Variants in POTEF observed in about 807,000 individuals in gnomAD.
POTEF encodes the protein ANKRD26-like family C member 1B.
POTEF carries 20 observed loss-of-function variants against 83.2 expected under a neutral mutation model. The observed-to-expected ratio is 0.24, with a 90% CI of 0.17 to 0.35. The LOEUF (loss-of-function observed/expected upper bound fraction) is 0.35, where lower values mean the gene tolerates loss of function less well. Ranked by LOEUF, POTEF falls within the 10% of genes least tolerant of loss-of-function variation. The probability of loss-of-function intolerance (pLI) is 1.00; values close to 1 mark genes in which losing one functional copy is unlikely to be tolerated. For synonymous variants in POTEF, 196 were observed against 446.4 expected, an observed-to-expected ratio of 0.44 and a Z score of 7.07; for missense variants, 550 against 1,203.2, an observed-to-expected ratio of 0.46 and a Z score of 8.03.
chr2:130,127,259 A>G (rs1257431513), intron 2 of POTEF, among the ~76,000 whole-genome samples: 2 of 132,024 alleles, frequency 1.5e-5, no homozygotes, highest in African/African-American at 5.8e-5. Context: ...CAGGAAGCAG[A>G]GCTTGCAGTG....
At position 130,075,271 on chromosome 2, in the gene POTEF, A is replaced by G. The variant is rs762713018; in HGVS notation, c.2201T>C (p.Ile734Thr). 1 of 1,612,286 alleles carries G rather than the reference A, an allele frequency of 6.2e-7. No homozygotes were observed. The highest frequency in any genetic ancestry group is 1.3e-5 in the African/African-American group (1 of 74,614). The change falls in exon 17 of 17, where the codon ATC becomes ACC. Residue 734 changes from isoleucine (I) to threonine (T), a missense_variant. Coordinates refer to ENST00000409914, the MANE Select transcript of POTEF (RefSeq NM_001099771.2). ...GCCCTGCTGCCTGGGGCGCCCCACG[A>G]TGGAAGGGAAGACAGCCCGGGGGGC... ...DDAPRAVFPS[I>T]VGRPRQQGMM... is the part of the protein sequence containing the mutation.
intron 15 of POTEF, among the ~76,000 whole-genome samples, chr2:130,078,094 C>A (rs1683866109): frequency 1.0e-5 from 1 of 96,012 alleles, no homozygotes; most frequent in Non-Finnish European, 2.2e-5. Context: ...ACTGGGAAGT[C>A]CTAGGCAGAG....
At chr2:130,119,134 G>T (rs1249348051) in intron 3 of POTEF, among the ~76,000 whole-genome samples, 2 of 150,506 alleles carry the variant, frequency 1.3e-5, no homozygotes, top group East Asian at 3.9e-4. Flanking sequence ...ATTTGGCTTA[G>T]GTAAAAGTGA....
chr2:130,118,980 G>C (rs1343625259), intron 3 of POTEF, among the ~76,000 whole-genome samples: 1 of 151,304 alleles, frequency 6.6e-6, no homozygotes, highest in Non-Finnish European at 1.5e-5. Context: ...TCAGCTGTTA[G>C]TAAACAATTT....
intron 5 of POTEF, 71 bp from the exon 6 acceptor site, chr2:130,112,172 T>A: frequency 1.6e-6 from 2 of 1,264,562 alleles, no homozygotes; most frequent in South Asian, 2.7e-5. Context: ...AAGTGGAAAC[T>A]TTATATAAGA....
intron 8 of POTEF, among the ~76,000 whole-genome samples, chr2:130,104,377 T>G (rs1451711453): frequency 6.8e-6 from 1 of 146,056 alleles, no homozygotes; most frequent in Non-Finnish European, 1.5e-5. Flanking sequence ...CCGTAAATTC[T>G]AACTATAATC....
intron 8 of POTEF, chr2:130,107,764 T>G (rs924281369): frequency 3.3e-5 from 15 of 453,072 alleles, no homozygotes; most frequent in Non-Finnish European, 5.5e-5. Context: ...ACCATCCAGT[T>G]GCAGAAAAAT....
At chr2:130,103,311 T>A (rs1684424766) in intron 8 of POTEF, among the ~76,000 whole-genome samples, 1 of 150,394 alleles carries the variant, frequency 6.6e-6, no homozygotes, top group African/African-American at 2.5e-5. Context: ...CCATTGGCCA[T>A]GATGGTCCTG....
rs558658997 is a variant in POTEF, at chr2:130,113,526, C to T, written c.810+1355G>A. ...ATTTTGAGAAAATTGTTGTTGTTGT[C>T]GTTGTTGTTGTTGTTGTTGTTAGAG... On this transcript the variant is annotated intron_variant, in intron 5 of 16. Transcript: ENST00000409914. Among the ~76,000 whole-genome samples, 16 of 96,852 alleles carry T rather than the reference C, an allele frequency of 1.7e-4. 1 individual carries two copies. In the South Asian group the frequency reaches 5.3e-3, roughly 32 times the overall value. The allele number at this position is 96,852 out of a possible 152,430, so 63.5% of individuals were successfully genotyped here. A position where few individuals can be genotyped will look rare whatever the true frequency, so the allele number is the denominator to read the frequency against.
chr2:130,122,112 T>C (rs1685014437), intron 2 of POTEF, among the ~76,000 whole-genome samples: 1 of 147,538 alleles, frequency 6.8e-6, no homozygotes, highest in Non-Finnish European at 1.5e-5. Context: ...TCATTTATCA[T>C]GTTTTCAATG....
intron 3 of POTEF, among the ~76,000 whole-genome samples, chr2:130,118,048 C>T (rs899638646): frequency 6.6e-6 from 1 of 151,274 alleles, no homozygotes; most frequent in Non-Finnish European, 1.5e-5. Context: ...TCAAGCAATT[C>T]TCTTGCTTCA....
intron 3 of POTEF, among the ~76,000 whole-genome samples, chr2:130,118,854 T>C (rs1479908116): frequency 1.3e-5 from 2 of 151,418 alleles, no homozygotes; most frequent in Non-Finnish European, 2.9e-5. Context: ...ACATGAATTA[T>C]GAACAATCCA....
intron 2 of POTEF, among the ~76,000 whole-genome samples, chr2:130,121,298 C>A (rs1408237862): frequency 6.7e-6 from 1 of 149,408 alleles, no homozygotes; most frequent in African/African-American, 2.5e-5. Flanking sequence ...CACTGAGAAG[C>A]CTCTGGTGAA....
intron 3 of POTEF, among the ~76,000 whole-genome samples, chr2:130,119,449 C>T (rs1342841486): frequency 6.6e-6 from 1 of 151,710 alleles, no homozygotes; most frequent in African/African-American, 2.4e-5. Flanking sequence ...CGTGAGCCAC[C>T]GCGCCCAGCC....
At position 130,120,317 on chromosome 2, in the gene POTEF, G is replaced by T; in HGVS notation, c.199C>A (p.His67Asn). The T allele has an allele frequency of 1.9e-6, 3 of 1,606,202 alleles. No individual in the cohort carries two copies. The highest frequency in any genetic ancestry group is 2.5e-6 in the Non-Finnish European group (3 of 1,179,164). ...CTCCCCCTGCAGCAGGGGAAGCAGTGGCGGCACCACTTGCCCATCTTGCTC... is the reference window on the plus strand; with the variant it reads ...CTCCCCCTGCAGCAGGGGAAGCAGTTGCGGCACCACTTGCCCATCTTGCTC... ...LRSKMGKWCRHCFPCCRGSGK... is the reference protein window; with the variant it reads ...LRSKMGKWCRNCFPCCRGSGK... Residue 67 changes from histidine (H) to asparagine (N), a missense_variant, in exon 3 of 17, where the codon CAC becomes AAC. Coordinates refer to ENST00000409914, the MANE Select transcript of POTEF (RefSeq NM_001099771.2).
intron 2 of POTEF, among the ~76,000 whole-genome samples, chr2:130,121,815 T>C (rs1280728271): frequency 3.5e-5 from 4 of 112,702 alleles, no homozygotes; most frequent in Non-Finnish European, 5.5e-5. Flanking sequence ...ATACAATTTA[T>C]ATATTATTTA....
intron 8 of POTEF, among the ~76,000 whole-genome samples, chr2:130,103,467 A>T (rs1684429658): frequency 6.8e-6 from 1 of 146,378 alleles, no homozygotes; most frequent in South Asian, 2.2e-4. Flanking sequence ...TCCCCAGATA[A>T]ACAGGTACCT....
intron 2 of POTEF, chr2:130,120,989 G>C (rs1433204462): frequency 4.3e-6 from 1 of 232,926 alleles, no homozygotes; most frequent in Non-Finnish European, 8.1e-6. Flanking sequence ...AGCCATTACA[G>C]GCCAGCCAAG....
intron 2 of POTEF, among the ~76,000 whole-genome samples, chr2:130,125,370 A>G (rs1216310849): frequency 6.7e-6 from 1 of 149,470 alleles, no homozygotes; most frequent in Non-Finnish European, 1.5e-5. Context: ...ATTTATACAT[A>G]TTCTTCCATG....
Sources: gnomAD v4.1 joint callset for allele counts (sites outside exome capture counted in the v4.1 genomes callset) on GRCh38, gnomAD v4.1.1 for gene constraint, MANE v1.5 for transcripts, NCBI Gene and HGNC (gene_info 2026-07-23, HGNC 2026-07-21) for gene names.